GMDS: variants seen among roughly 807,000 people sequenced by gnomAD.
The protein encoded by GMDS is GDP-mannose 4,6-dehydratase.
In GMDS, 20 loss-of-function variants were observed where a neutral mutation model predicts 49.9. The ratio of observed to expected loss-of-function variants is 0.40; its 90% CI spans 0.28 to 0.58. The LOEUF (loss-of-function observed/expected upper bound fraction) is 0.58, where lower values mean the gene tolerates loss of function less well. Ranked by LOEUF, GMDS falls within the 20% of genes least tolerant of loss-of-function variation. The pLI is 0.42. For missense variants in GMDS, 362 were observed against 481.4 expected (o/e 0.75, Z 2.32); for synonymous variants, 177 against 178.6 (o/e 0.99, Z 0.07).
chr6:1,943,697 C>T (rs1762924724), intron 6 of GMDS, among the ~76,000 whole-genome samples: 1 of 152,310 alleles, frequency 6.6e-6, no homozygotes, highest in Non-Finnish European at 1.5e-5. Flanking sequence ...AAAGGTAATA[C>T]CACAGATGCC....
chr6:1,660,336 A>AT (rs1764026593), intron 9 of GMDS, among the ~76,000 whole-genome samples: 1 of 151,986 alleles, frequency 6.6e-6, no homozygotes, highest in Non-Finnish European at 1.5e-5. Context: ...TCCAGAGTTA[A>AT]TTTTTCACAC....
chr6:1,741,976 C>G (rs1385464194), intron 8 of GMDS, among the ~76,000 whole-genome samples: 1 of 149,982 alleles, frequency 6.7e-6, no homozygotes, highest in Non-Finnish European at 1.5e-5. Flanking sequence ...GGCTGGAGTG[C>G]AATGGCATGA....
At chr6:1,730,469 T>G (rs1367614020) in intron 8 of GMDS, among the ~76,000 whole-genome samples, 2 of 152,174 alleles carry the variant, frequency 1.3e-5, no homozygotes, top group African/African-American at 4.8e-5. Context: ...GAGACCTGAT[T>G]GCAAATCTCC....
intron 1 of GMDS, among the ~76,000 whole-genome samples, chr6:2,242,367 T>G (rs1781652238): frequency 6.6e-6 from 1 of 152,248 alleles, no homozygotes; most frequent in African/African-American, 2.4e-5. Flanking sequence ...CCTGAGCTTC[T>G]TTAAAGCCTA....
chr6:1,938,007 T>C (rs1163248106), intron 6 of GMDS, among the ~76,000 whole-genome samples: 3 of 151,532 alleles, frequency 2.0e-5, no homozygotes, highest in Non-Finnish European at 1.5e-5. Flanking sequence ...TCTCTACTAA[T>C]TTAAAAGAAA....
chr6:1,687,340 G>A (rs1308383109), intron 9 of GMDS, among the ~76,000 whole-genome samples: 3 of 152,198 alleles, frequency 2.0e-5, no homozygotes, highest in South Asian at 4.1e-4. Flanking sequence ...TGGAAGTGGC[G>A]CAGGCCTCCA....
chr6:1,785,151 A>G (rs192384897), intron 7 of GMDS, among the ~76,000 whole-genome samples: 21 of 152,358 alleles, frequency 1.4e-4, no homozygotes, highest in African/African-American at 5.0e-4. Context: ...ACAGAGAGTT[A>G]TATTACCTAA....
rs1193380161 is a variant in GMDS at position 1,853,684 on chromosome 6, A to G, written c.771+76419T>C. ...AGCCACAGAGCCTAATGAAAATTTC[A>G]TAAGTTATCCAACAGAAAAGTGATT... On this transcript the variant is annotated intron_variant, in intron 7 of 10. Coordinates refer to ENST00000380815, the MANE Select transcript of GMDS (RefSeq NM_001500.4). Among the ~76,000 whole-genome samples, 15 of 152,356 alleles carry G rather than the reference A, an allele frequency of 9.8e-5. No homozygotes were observed. In the South Asian group the frequency reaches 2.9e-3, roughly 29 times the overall value.
chr6:1,939,504 C>T lies in GMDS; in HGVS notation c.644-9274G>A, dbSNP rs182959234. On this transcript the variant is annotated intron_variant, in intron 6 of 10. Coordinates refer to ENST00000380815, the MANE Select transcript of GMDS (RefSeq NM_001500.4). ...AGACCCAAGGATATACATATACACA[C>T]ATGCATATATATATACACACACATA... Among the ~76,000 whole-genome samples the T allele has an allele frequency of 1.1e-3, 174 of 151,740 alleles. 2 individuals are homozygous for T. The highest frequency in any genetic ancestry group is 1.3e-4 in the Non-Finnish European group (9 of 67,944).
At chr6:2,123,813 T>C (rs1423478809) in intron 2 of GMDS, among the ~76,000 whole-genome samples, 1 of 152,222 alleles carries the variant, frequency 6.6e-6, no homozygotes, top group Non-Finnish European at 1.5e-5. Flanking sequence ...CTGTTACTTC[T>C]TCAAGTCTAA....
At chr6:2,153,482 A>C (rs1776946968) in intron 1 of GMDS, among the ~76,000 whole-genome samples, 2 of 152,194 alleles carry the variant, frequency 1.3e-5, no homozygotes, top group Non-Finnish European at 2.9e-5. Context: ...TGTGTCCAAT[A>C]TGAAAAGTAA....
At chr6:2,203,365 G>T (rs771314638) in intron 1 of GMDS, among the ~76,000 whole-genome samples, 14 of 152,280 alleles carry the variant, frequency 9.2e-5, no homozygotes, top group Non-Finnish European at 1.6e-4. Flanking sequence ...TCCCTGTCGG[G>T]CTTTGCTGCC....
intron 1 of GMDS, among the ~76,000 whole-genome samples, chr6:2,206,132 C>T (rs1351650338): frequency 6.6e-6 from 1 of 152,054 alleles, no homozygotes. Flanking sequence ...GTGGCACATG[C>T]CTGTAATCCC....
At chr6:1,946,420 C>G (rs183521187) in intron 6 of GMDS, among the ~76,000 whole-genome samples, 17 of 152,296 alleles carry the variant, frequency 1.1e-4, no homozygotes, top group African/African-American at 3.6e-4. Flanking sequence ...ACAACTACTT[C>G]ATCGTTTTAT....
chr6:1,721,181 A>G (rs1766372031), intron 9 of GMDS, among the ~76,000 whole-genome samples: 1 of 151,674 alleles, frequency 6.6e-6, no homozygotes, highest in Non-Finnish European at 1.5e-5. Context: ...TATTAGGAAA[A>G]GTTTGCGGGG....
intron 2 of GMDS, among the ~76,000 whole-genome samples, chr6:2,121,388 C>T (rs1775131079): frequency 2.0e-5 from 3 of 152,150 alleles, no homozygotes; most frequent in Admixed American, 2.0e-4. Flanking sequence ...ATCCATTCTC[C>T]TCATGCTCTC....
At chr6:1,949,183 CT>C (rs1763223689) in intron 6 of GMDS, 1 of 196,212 alleles carries the variant, frequency 5.1e-6, no homozygotes. Flanking sequence ...CTGTATTAAT[CT>C]TTTCCCTGTA....
chr6:1,650,462 C>T (rs1468413143), intron 9 of GMDS, among the ~76,000 whole-genome samples: 1 of 152,200 alleles, frequency 6.6e-6, no homozygotes, highest in Non-Finnish European at 1.5e-5. Context: ...CGTTCAGATT[C>T]AGGCAGAATC....
chr6:1,681,453 A>T (rs1382675629), intron 9 of GMDS, among the ~76,000 whole-genome samples: 1 of 152,170 alleles, frequency 6.6e-6, no homozygotes, highest in Non-Finnish European at 1.5e-5. Context: ...CTGAGGTTGT[A>T]AGAAATTATG....
Sources: allele counts gnomAD v4.1 joint callset (sites outside exome capture counted in the v4.1 genomes callset), GRCh38; gene constraint gnomAD v4.1.1; transcripts MANE v1.5; gene names NCBI Gene and HGNC (gene_info 2026-07-23, HGNC 2026-07-21).